LRRC4C: variants seen among roughly 807,000 people sequenced by gnomAD.
The protein encoded by LRRC4C is leucine-rich repeat-containing protein 4C.
A neutral mutation model predicts 33.6 loss-of-function variants in LRRC4C; 5 were observed. The ratio of observed to expected loss-of-function variants is 0.15; its 90% CI spans 0.08 to 0.31. LRRC4C has a LOEUF of 0.31. Ranked by LOEUF, LRRC4C falls within the 10% of genes least tolerant of loss-of-function variation. The pLI is 1.00. For synonymous variants in LRRC4C, 329 were observed against 302.0 expected (o/e 1.09, Z -0.93); for missense variants, 560 against 796.7 (o/e 0.70, Z 3.58).
At chr11:40,768,370 G>T (rs916144674) in intron 2 of LRRC4C, among the ~76,000 whole-genome samples, 1 of 152,002 alleles carries the variant, frequency 6.6e-6, no homozygotes, top group South Asian at 2.1e-4. Context: ...TTTCACTGAT[G>T]AATTTTACCA....
intron 1 of LRRC4C, among the ~76,000 whole-genome samples, chr11:41,073,290 T>A (rs1433308647): frequency 2.0e-5 from 3 of 151,820 alleles, no homozygotes; most frequent in Non-Finnish European, 4.4e-5. Flanking sequence ...CGTGCAGAGA[T>A]CACATAATGA....
chr11:40,825,606 C>G (rs760231602), intron 2 of LRRC4C, among the ~76,000 whole-genome samples: 8 of 151,946 alleles, frequency 5.3e-5, no homozygotes, highest in Non-Finnish European at 1.0e-4. Flanking sequence ...CTAAAGTGCA[C>G]AAAAGCAGAG....
At chr11:40,750,146 C>T (rs1290590099) in intron 2 of LRRC4C, among the ~76,000 whole-genome samples, 1 of 151,970 alleles carries the variant, frequency 6.6e-6, no homozygotes. Context: ...CACTTGAACC[C>T]AGGAGGTGGA....
At chr11:40,750,103 T>G (rs1051968413) in intron 2 of LRRC4C, among the ~76,000 whole-genome samples, 1 of 152,022 alleles carries the variant, frequency 6.6e-6, no homozygotes, top group Admixed American at 6.6e-5. Flanking sequence ...GCACCTGTAA[T>G]CCCAGCTATT....
At chr11:40,478,088 C>T (rs535275138) in intron 3 of LRRC4C, among the ~76,000 whole-genome samples, 150 of 152,130 alleles carry the variant, frequency 9.9e-4, no homozygotes, top group Non-Finnish European at 1.7e-3. Context: ...TTTCCAGCCA[C>T]GTGGAACTGT....
intron 4 of LRRC4C, among the ~76,000 whole-genome samples, chr11:40,271,669 T>C (rs959882490): frequency 6.6e-6 from 1 of 152,236 alleles, no homozygotes; most frequent in South Asian, 2.1e-4. Context: ...TTCACTGGGG[T>C]ATAACACACT....
chr11:40,242,502 A>G (rs139019704), intron 4 of LRRC4C, among the ~76,000 whole-genome samples: 58 of 152,346 alleles, frequency 3.8e-4, no homozygotes, highest in Middle Eastern at 3.4e-3. Flanking sequence ...ACTTAAACCC[A>G]ATTTCATTAA....
At chr11:40,408,844 A>T (rs1950054347) in intron 3 of LRRC4C, among the ~76,000 whole-genome samples, 1 of 151,994 alleles carries the variant, frequency 6.6e-6, no homozygotes, top group Admixed American at 6.6e-5. Context: ...AAAGCAATAT[A>T]CCAGATTTGA....
At chr11:40,730,232 C>A (rs1591570277) in intron 2 of LRRC4C, among the ~76,000 whole-genome samples, 1 of 151,978 alleles carries the variant, frequency 6.6e-6, no homozygotes. Context: ...TGCACATGTA[C>A]CCTAAAACTT....
intron 6 of LRRC4C, among the ~76,000 whole-genome samples, chr11:40,120,883 A>C (rs1391114215): frequency 6.6e-6 from 1 of 152,132 alleles, no homozygotes; most frequent in African/African-American, 2.4e-5. Flanking sequence ...GTGACCTTAA[A>C]ATTGAGAAAG....
chr11:40,392,064 G>T (rs955476076), intron 3 of LRRC4C, among the ~76,000 whole-genome samples: 3 of 152,130 alleles, frequency 2.0e-5, no homozygotes, highest in African/African-American at 7.2e-5. Flanking sequence ...CATACTTTAT[G>T]ATTCCCAAAT....
intron 2 of LRRC4C, among the ~76,000 whole-genome samples, chr11:40,663,808 T>C (rs750952158): frequency 1.4e-4 from 21 of 152,190 alleles, no homozygotes; most frequent in Non-Finnish European, 2.1e-4. Context: ...AAATGAAACA[T>C]TAGACAATCC....
At position 40,945,185 on chromosome 11, in the gene LRRC4C, A is replaced by T. The variant is rs570830241; in HGVS notation, c.-495-11462T>A. ...GCTGGGACTACAGGCGCCCACCACC[A>T]CGCCCGGCTAATTTTTTTGTATTTT... On this transcript the variant is annotated intron_variant, in intron 1 of 6. Coordinates refer to ENST00000528697, the MANE Select transcript of LRRC4C (RefSeq NM_001258419.2). Among the ~76,000 whole-genome samples, 8 of 146,322 alleles carry T rather than the reference A, an allele frequency of 5.5e-5. No homozygotes were observed. The South Asian group carries it at 9.2e-4, about 17-fold the overall frequency.
intron 3 of LRRC4C, among the ~76,000 whole-genome samples, chr11:40,618,600 A>G (rs375757038): frequency 1.3e-5 from 2 of 151,792 alleles, no homozygotes; most frequent in East Asian, 3.9e-4. Context: ...CTAACACAAT[A>G]AAGTCTGAAG....
At chr11:40,473,318 A>G (rs1953037955) in intron 3 of LRRC4C, among the ~76,000 whole-genome samples, 1 of 152,218 alleles carries the variant, frequency 6.6e-6, no homozygotes, top group Non-Finnish European at 1.5e-5. Flanking sequence ...CGATAAATGT[A>G]ATCCATCACA....
At chr11:41,379,427 G>A (rs1953060588) in intron 1 of LRRC4C, among the ~76,000 whole-genome samples, 1 of 152,178 alleles carries the variant, frequency 6.6e-6, no homozygotes, top group Non-Finnish European at 1.5e-5. Context: ...ACAGGAGGAT[G>A]TTTGGCAGTA....
chr11:41,051,176 C>T (rs559626265), intron 1 of LRRC4C, among the ~76,000 whole-genome samples: 2 of 152,120 alleles, frequency 1.3e-5, no homozygotes, highest in African/African-American at 2.4e-5. Context: ...ATTCCAAAAG[C>T]TCTCTGCTGT....
chr11:40,398,423 C>T (rs527469443), intron 3 of LRRC4C, among the ~76,000 whole-genome samples: 14 of 152,072 alleles, frequency 9.2e-5, no homozygotes, highest in African/African-American at 2.9e-4. Context: ...CCACTGTGAT[C>T]CAAATGCCTG....
chr11:40,936,010 A>G (rs1487889308), intron 1 of LRRC4C, among the ~76,000 whole-genome samples: 2 of 94,642 alleles, frequency 2.1e-5, no homozygotes, highest in African/African-American at 8.0e-5. Flanking sequence ...AAAGATGCCA[A>G]ATTTTATATA....
Sources: allele counts gnomAD v4.1 joint callset (sites outside exome capture counted in the v4.1 genomes callset), GRCh38; gene constraint gnomAD v4.1.1; transcripts MANE v1.5; gene names NCBI Gene and HGNC (gene_info 2026-07-23, HGNC 2026-07-21).